Variants in KHDRBS3 observed in about 807,000 individuals in gnomAD.
The protein encoded by KHDRBS3 is KH domain-containing, RNA-binding, signal transduction-associated protein 3.
A neutral mutation model predicts 45.6 loss-of-function variants in KHDRBS3; 23 were observed. The ratio of observed to expected loss-of-function variants is 0.50; its 90% confidence interval spans 0.36 to 0.72. The LOEUF (loss-of-function observed/expected upper bound fraction) is 0.72, where lower values mean the gene tolerates loss of function less well. Ranked by LOEUF, KHDRBS3 falls within the 30% of genes least tolerant of loss-of-function variation. KHDRBS3 has a pLI of 0.00. For missense variants in KHDRBS3, 352 were observed against 424.8 expected (o/e 0.83, Z 1.51); for synonymous variants, 162 against 156.5 (o/e 1.04, Z -0.26).
At chr8:135,477,441 T>A (rs1822348327) in intron 1 of KHDRBS3, among the ~76,000 whole-genome samples, 1 of 152,188 alleles carries the variant, frequency 6.6e-6, no homozygotes, top group Non-Finnish European at 1.5e-5. Context: ...AACTAAAAGT[T>A]TCTGACATAA....
intron 1 of KHDRBS3, among the ~76,000 whole-genome samples, chr8:135,485,053 G>T (rs4314679): frequency 0.66 from 99,982 of 152,008 alleles, 33,815 homozygotes; most frequent in East Asian, 0.96. Flanking sequence ...TAAATGCTGT[G>T]TACAGAAAAA....
chr8:135,483,493 C>T (rs188688015), intron 1 of KHDRBS3, among the ~76,000 whole-genome samples: 1 of 152,274 alleles, frequency 6.6e-6, no homozygotes, highest in East Asian at 1.9e-4. Context: ...ATTTTCTGCC[C>T]TTCGGAATCT....
chr8:135,587,993 T>C (rs1437736980), intron 6 of KHDRBS3, among the ~76,000 whole-genome samples: 40 of 152,228 alleles, frequency 2.6e-4, no homozygotes, highest in Non-Finnish European at 5.9e-5. Context: ...ACTTTTGCAC[T>C]GTATGTATAG....
At chr8:135,573,002 AC>A (rs1343811998) in intron 5 of KHDRBS3, among the ~76,000 whole-genome samples, 2 of 152,198 alleles carry the variant, frequency 1.3e-5, no homozygotes, top group Non-Finnish European at 2.9e-5. Context: ...AGATACAGTT[AC>A]CCCTCAGGTG....
At chr8:135,567,854 T>C (rs1261070777) in intron 5 of KHDRBS3, among the ~76,000 whole-genome samples, 1 of 152,260 alleles carries the variant, frequency 6.6e-6, no homozygotes, top group Non-Finnish European at 1.5e-5. Flanking sequence ...GCAGGCCTAT[T>C]GCCTGCTGGA....
chr8:135,485,840 G>GTT (rs1357679901), intron 1 of KHDRBS3, among the ~76,000 whole-genome samples: 7 of 81,948 alleles, frequency 8.5e-5, no homozygotes, highest in South Asian at 6.4e-4. Flanking sequence ...GGCATTTCAA[G>GTT]TTTATATATA....
rs902901128 is a variant in KHDRBS3 at position 135,457,806 on chromosome 8, T to G, written c.-61T>G. 2 of 1,151,272 alleles carry G rather than the reference T, an allele frequency of 1.7e-6. No individual in the cohort carries two copies. The allele number at this position is 1,151,272 out of a possible 1,614,324, so 71.3% of individuals were successfully genotyped here. A position where few individuals can be genotyped will look rare whatever the true frequency, so the allele number is the denominator to read the frequency against. The stretch of plus-strand genomic sequence containing the variant: ...CTGGGGGCGCGGGCGGGGTCGGGGG[T>G]TGCCGGGCGCCGCCCCCCGTGCGCC... On this transcript the variant is annotated 5_prime_UTR_variant, in exon 1 of 9. Coordinates refer to ENST00000355849, the MANE Select transcript of KHDRBS3 (RefSeq NM_006558.3). This position sits in a 1 kb window ranked among gnomAD's most constrained non-coding sequence, Gnocchi z 4.4.
chr8:135,541,013 G>GAAATTTCTTTCTTTCTTCA (rs1826022929), intron 2 of KHDRBS3: 1 of 152,164 alleles, frequency 6.6e-6, no homozygotes. Flanking sequence ...TCTTCAGAAA[G>GAAATTTCTTTCTTTCTTCA]GATGAGAAAT....
At chr8:135,534,153 A>G (rs1223370006) in intron 2 of KHDRBS3, among the ~76,000 whole-genome samples, 1 of 152,092 alleles carries the variant, frequency 6.6e-6, no homozygotes, top group African/African-American at 2.4e-5. Context: ...ACCCACCTCT[A>G]GAGAAATAAA....
chr8:135,630,763 G>A (rs954791429), intron 7 of KHDRBS3, among the ~76,000 whole-genome samples: 1 of 152,098 alleles, frequency 6.6e-6, no homozygotes, highest in Non-Finnish European at 1.5e-5. Context: ...AAAAGATACA[G>A]TAAAAATATG....
At chr8:135,570,881 G>C (rs747612748) in intron 5 of KHDRBS3, among the ~76,000 whole-genome samples, 2 of 152,188 alleles carry the variant, frequency 1.3e-5, no homozygotes, top group Non-Finnish European at 2.9e-5. Context: ...TTTTATTAAA[G>C]CACTTTCTGA....
intron 1 of KHDRBS3, among the ~76,000 whole-genome samples, chr8:135,514,872 G>C (rs1317817032): frequency 1.3e-5 from 2 of 152,052 alleles, no homozygotes; most frequent in Admixed American, 6.6e-5. Context: ...AGCATAAAGA[G>C]ATAATTTAAG....
intron 5 of KHDRBS3, among the ~76,000 whole-genome samples, chr8:135,562,821 A>G (rs573182024): frequency 5.9e-5 from 9 of 152,208 alleles, no homozygotes; most frequent in Non-Finnish European, 1.3e-4. Flanking sequence ...ACCAGTCACA[A>G]TACATACAAA....
chr8:135,608,590 C>T (rs1189662182), intron 7 of KHDRBS3, among the ~76,000 whole-genome samples: 1 of 152,204 alleles, frequency 6.6e-6, no homozygotes, highest in African/African-American at 2.4e-5. Flanking sequence ...CTGTCAAGTG[C>T]ATATTCTTAA....
intron 4 of KHDRBS3, among the ~76,000 whole-genome samples, chr8:135,550,157 G>A (rs1446946540): frequency 6.6e-6 from 1 of 152,154 alleles, no homozygotes; most frequent in Middle Eastern, 3.2e-3. Context: ...TGATCATGCA[G>A]TGTGGACCAG....
At chr8:135,550,583 T>G (rs1350360430) in intron 4 of KHDRBS3, among the ~76,000 whole-genome samples, 1 of 152,218 alleles carries the variant, frequency 6.6e-6, no homozygotes, top group East Asian at 1.9e-4. Context: ...CATTGATTTG[T>G]ATGCCTACTC....
chr8:135,603,060 T>C (rs561131700), intron 6 of KHDRBS3, among the ~76,000 whole-genome samples: 3 of 152,370 alleles, frequency 2.0e-5, no homozygotes, highest in African/African-American at 7.2e-5. Context: ...TTGAAGCTAA[T>C]TTCTAGCATT....
chr8:135,524,376 T>C (rs1825070817), intron 2 of KHDRBS3, among the ~76,000 whole-genome samples: 1 of 152,212 alleles, frequency 6.6e-6, no homozygotes. Context: ...ATAAAATGAC[T>C]TGGGAAGTGT....
chr8:135,601,589 G>C (rs1195654088), intron 6 of KHDRBS3, among the ~76,000 whole-genome samples: 1 of 152,054 alleles, frequency 6.6e-6, no homozygotes, highest in Non-Finnish European at 1.5e-5. Flanking sequence ...GTCACAATGG[G>C]GTCCTCTAGG....
Sources: gnomAD v4.1 joint callset for allele counts (sites outside exome capture counted in the v4.1 genomes callset) on GRCh38, gnomAD v4.1.1 for gene constraint, Gnocchi (gnomAD v3.1) non-coding constraint, MANE v1.5 for transcripts, NCBI Gene and HGNC (gene_info 2026-07-23, HGNC 2026-07-21) for gene names.